Variants in MEGF10 observed in about 807,000 individuals in gnomAD.
The protein encoded by MEGF10 is multiple epidermal growth factor-like domains protein 10.
A neutral mutation model predicts 147.5 loss-of-function variants in MEGF10; 86 were observed. The observed-to-expected ratio is 0.58, with a 90% CI of 0.49 to 0.70. MEGF10 has a LOEUF of 0.70. Among genes scored for constraint, MEGF10 ranks in the 30% least tolerant of loss-of-function variants. The probability of loss-of-function intolerance (pLI) is 0.00; values close to 1 mark genes in which losing one functional copy is unlikely to be tolerated. For synonymous variants in MEGF10, 478 were observed against 525.5 expected (o/e 0.91, Z 1.24); for missense variants, 1,329 against 1,487.3 (o/e 0.89, Z 1.75).
intron 13 of MEGF10, among the ~76,000 whole-genome samples, chr5:127,432,010 G>T (rs1765399352): frequency 6.6e-6 from 1 of 152,208 alleles, no homozygotes; most frequent in East Asian, 1.9e-4. Flanking sequence ...AGTAGGCCCA[G>T]ATTTCATACT....
chr5:127,256,100 C>A, the MEGF10 span, among the ~76,000 whole-genome samples: 1 of 152,176 alleles, frequency 6.6e-6, no homozygotes, highest in African/African-American at 2.4e-5. Flanking sequence ...GCCTGGAAGC[C>A]TCTGCAGTCA....
At chr5:127,378,552 A>G (rs1045771631) in intron 5 of MEGF10, among the ~76,000 whole-genome samples, 2 of 152,196 alleles carry the variant, frequency 1.3e-5, no homozygotes, top group Non-Finnish European at 2.9e-5. Flanking sequence ...TCCTGGGATC[A>G]TGCCATCTTC....
intron 5 of MEGF10, among the ~76,000 whole-genome samples, chr5:127,390,736 A>G (rs1261229516): frequency 6.6e-6 from 1 of 152,198 alleles, no homozygotes; most frequent in Non-Finnish European, 1.5e-5. Flanking sequence ...CTATTCCTGG[A>G]AAACTAGGTT....
the MEGF10 span, among the ~76,000 whole-genome samples, chr5:127,243,526 A>G: frequency 6.6e-6 from 1 of 152,332 alleles, no homozygotes; most frequent in South Asian, 2.1e-4. Flanking sequence ...GTGAGAAACA[A>G]ATACAAAGTT....
chr5:127,266,957 T>C, the MEGF10 span, among the ~76,000 whole-genome samples: 3 of 152,316 alleles, frequency 2.0e-5, no homozygotes, highest in Admixed American at 1.3e-4. Context: ...TCCAACACTA[T>C]GTTGAATAGG....
At chr5:127,446,656 A>C (rs1358862369) in intron 20 of MEGF10, among the ~76,000 whole-genome samples, 2 of 152,230 alleles carry the variant, frequency 1.3e-5, no homozygotes, top group East Asian at 3.8e-4. Flanking sequence ...TGCAGTTCAG[A>C]GAACAAAGGG....
chr5:127,457,016 C>T, intron 24 of MEGF10, 112 bp from the exon 25 acceptor site: 1 of 1,091,480 alleles, frequency 9.2e-7, no homozygotes, highest in Non-Finnish European at 1.3e-6. Context: ...CCAGCATTTC[C>T]TTATATTTTT....
the MEGF10 span, among the ~76,000 whole-genome samples, chr5:127,271,139 C>T: frequency 6.6e-6 from 1 of 152,186 alleles, no homozygotes; most frequent in Non-Finnish European, 1.5e-5. Context: ...AATTACCACA[C>T]TATCTTCCAC....
intron 1 of MEGF10, among the ~76,000 whole-genome samples, chr5:127,316,993 A>G (rs1760576029): frequency 6.6e-6 from 1 of 152,252 alleles, no homozygotes; most frequent in Non-Finnish European, 1.5e-5. Flanking sequence ...GGGCGAAGAC[A>G]GAGGAGTGAA....
At chr5:127,374,872 C>T (rs151109215) in intron 5 of MEGF10, among the ~76,000 whole-genome samples, 6 of 152,278 alleles carry the variant, frequency 3.9e-5, no homozygotes, top group Admixed American at 1.3e-4. Context: ...TTCTACTTCC[C>T]ATCCCATATT....
intron 4 of MEGF10, among the ~76,000 whole-genome samples, chr5:127,364,984 G>A (rs542274852): frequency 3.9e-4 from 60 of 152,192 alleles, no homozygotes; most frequent in African/African-American, 1.4e-3. Flanking sequence ...CTGTTTTCTT[G>A]TCTGAAAAAT....
intron 5 of MEGF10, among the ~76,000 whole-genome samples, chr5:127,390,791 A>G (rs1009079571): frequency 2.6e-5 from 4 of 152,044 alleles, no homozygotes; most frequent in African/African-American, 7.3e-5. Flanking sequence ...AAATGTCCTT[A>G]TAGCTTTGGA....
Position 127,339,263 on chromosome 5 carries a change from G to A in MEGF10, c.218+42G>A, listed in dbSNP as rs145752128. On this transcript the variant is annotated intron_variant, in intron 3 of 24. Coordinates refer to ENST00000503335, the MANE Select transcript of MEGF10 (RefSeq NM_001256545.2). ...CATGTTTGTGAGTTTGGCTAACTGG[G>A]AATAGATTCTAATACAGAGATATTA... 7.4e-4 allele frequency: 987 copies of A among 1,338,082 alleles called. 6 individuals are homozygous for A. In the African/African-American group the frequency reaches 0.013, roughly 18 times the overall value. 82.9% of individuals were successfully genotyped at this position (1,338,082 alleles called of 1,614,324 possible). A position where few individuals can be genotyped will look rare whatever the true frequency, so the allele number is the denominator to read the frequency against.
intron 5 of MEGF10, among the ~76,000 whole-genome samples, chr5:127,386,180 T>C (rs1763428527): frequency 6.6e-6 from 1 of 152,210 alleles, no homozygotes; most frequent in South Asian, 2.1e-4. Flanking sequence ...TGTTTACACC[T>C]AGTACAGGTA....
chr5:127,398,691 T>C lies in MEGF10; in HGVS notation c.675T>C (p.Cys225=). 1 of 1,614,116 alleles carries C rather than the reference T, an allele frequency of 6.2e-7. No individual in the cohort carries two copies. Among genetic ancestry groups the C allele is most frequent in the Non-Finnish European group, 8.5e-7 (1 of 1,180,000 alleles). ...GYTGAFCEDL[C]PPGKHGPQCE... is the part of the protein sequence containing the mutation. Reference sequence around the variant, plus strand: ...AATCCCTCAGCTGTGAGGATCTTTGTCCTCCTGGTAAACATGGTCCACAGT... The same window carrying C: ...AATCCCTCAGCTGTGAGGATCTTTGCCCTCCTGGTAAACATGGTCCACAGT... The change falls in exon 7 of 25, where the codon TGT becomes TGC. Residue 225 remains cysteine (C), a synonymous_variant. Coordinates refer to ENST00000503335, the MANE Select transcript of MEGF10 (RefSeq NM_001256545.2).
chr5:127,445,444 C>A lies in MEGF10; in HGVS notation c.2492-13C>A. On this transcript the variant is annotated splice_polypyrimidine_tract_variant and intron_variant, in intron 19 of 24. Coordinates refer to ENST00000503335, the MANE Select transcript of MEGF10 (RefSeq NM_001256545.2). ...CATTGTCATCCTTTCTCAAGTCTCT[C>A]TTCTTTTTCTAGCTGGTGTTATCAT... is the stretch of plus-strand genomic sequence containing the variant. 1 of 1,601,176 alleles carries A rather than the reference C, an allele frequency of 6.2e-7. No individual in the cohort carries two copies. Among genetic ancestry groups the A allele is most frequent in the Non-Finnish European group, 8.6e-7 (1 of 1,168,458 alleles).
intron 21 of MEGF10, among the ~76,000 whole-genome samples, chr5:127,448,855 A>C (rs1282447948): frequency 6.7e-6 from 1 of 150,270 alleles, no homozygotes; most frequent in Non-Finnish European, 1.5e-5. Context: ...TCTAATTGGC[A>C]CAGGATGACA....
the MEGF10 span, among the ~76,000 whole-genome samples, chr5:127,256,468 A>G: frequency 6.6e-6 from 1 of 152,094 alleles, no homozygotes; most frequent in Non-Finnish European, 1.5e-5. Flanking sequence ...TTCCTCAAGG[A>G]TATCCTTTAT....
intron 7 of MEGF10, among the ~76,000 whole-genome samples, chr5:127,399,636 C>T (rs974533703): frequency 2.6e-5 from 4 of 151,996 alleles, no homozygotes; most frequent in African/African-American, 9.7e-5. Context: ...TTACCAAAAC[C>T]CTTCTGTTCT....
Sources: gnomAD v4.1 joint callset for allele counts (sites outside exome capture counted in the v4.1 genomes callset) on GRCh38, gnomAD v4.1.1 for gene constraint, MANE v1.5 for transcripts, NCBI Gene and HGNC (gene_info 2026-07-23, HGNC 2026-07-21) for gene names.